The following OVCH2 variants were observed in gnomAD, a reference collection of about 807,000 sequenced individuals.
The protein encoded by OVCH2 is ovochymase-2.
OVCH2 carries 88 observed loss-of-function variants against 73.7 expected under a neutral mutation model. That is an observed-to-expected ratio of 1.19 (90% CI 1.01 to 1.43). The LOEUF is 1.43. Among genes scored for constraint, OVCH2 ranks in the 40% most tolerant of loss-of-function variants. OVCH2 has a pLI of 0.00. For synonymous variants in OVCH2, 265 were observed against 234.5 expected (o/e 1.13, Z -1.19); for missense variants, 706 against 674.5 (o/e 1.05, Z -0.52).
chr11:7,691,899 A>C lies in OVCH2; in HGVS notation c.1507+3T>G. The C allele has an allele frequency of 6.4e-7, 1 of 1,560,566 alleles. No individual in the cohort carries two copies. Among genetic ancestry groups the C allele is most frequent in the Non-Finnish European group, 8.7e-7 (1 of 1,150,838 alleles). Reference sequence around the variant, plus strand: ...AGCGAGCTGAGGCTCAGAGGACACAAACCTATTTCCTTCTTCCTTTCTACA... The same window carrying C: ...AGCGAGCTGAGGCTCAGAGGACACACACCTATTTCCTTCTTCCTTTCTACA... On this transcript the variant is annotated splice_donor_region_variant and intron_variant, in intron 13 of 15. Coordinates refer to ENST00000533663, the MANE Select transcript of OVCH2 (RefSeq NM_198185.7).
chr11:7,687,704 T>G (rs908378560), downstream of OVCH2, among the ~76,000 whole-genome samples: 2 of 152,102 alleles, frequency 1.3e-5, no homozygotes, highest in Admixed American at 6.6e-5. Flanking sequence ...TGACACCTCT[T>G]TCCCCTGTCT....
At chr11:7,688,930 C>A (rs555596004), downstream of OVCH2, among the ~76,000 whole-genome samples, 16 of 152,290 alleles carry the variant, frequency 1.1e-4, no homozygotes, top group East Asian at 1.5e-3. Context: ...GTAGTCATTG[C>A]CACTGAATTA....
At chr11:7,692,745 GATT>G (rs1331671574) in intron 12 of OVCH2, among the ~76,000 whole-genome samples, 1 of 152,152 alleles carries the variant, frequency 6.6e-6, no homozygotes, top group Non-Finnish European at 1.5e-5. Context: ...TTCTTGAGTA[GATT>G]ATTAAGCTAT....
intron 6 of OVCH2, 79 bp from the exon 7 acceptor site, chr11:7,700,564 G>T: frequency 6.9e-7 from 1 of 1,442,914 alleles, no homozygotes; most frequent in Non-Finnish European, 9.3e-7. Flanking sequence ...TCACAAGGAT[G>T]CTGGAGGAGG....
At chr11:7,684,487 T>TATATAC (rs148272247), downstream of OVCH2, among the ~76,000 whole-genome samples, 14,720 of 143,404 alleles carry the variant, frequency 0.1, 930 homozygotes, top group African/African-American at 0.16. Context: ...TATATATATA[T>TATATAC]ACACACACAT....
chr11:7,679,268 A>G, the OVCH2 span, among the ~76,000 whole-genome samples: 41 of 152,342 alleles, frequency 2.7e-4, 1 homozygote, highest in South Asian at 7.5e-3. Flanking sequence ...CCCAAGTGAT[A>G]TGGATCTTTT....
chr11:7,681,838 G>A, the OVCH2 span, among the ~76,000 whole-genome samples: 14 of 120,788 alleles, frequency 1.2e-4, no homozygotes, highest in Non-Finnish European at 1.7e-4. Flanking sequence ...AGGACGGGGA[G>A]AAGGGGGAAA....
intron 12 of OVCH2, among the ~76,000 whole-genome samples, chr11:7,693,193 A>C (rs1470074846): frequency 2.0e-5 from 3 of 152,242 alleles, no homozygotes; most frequent in Non-Finnish European, 4.4e-5. Flanking sequence ...ATGGGGATTC[A>C]ATGGGACCCA....
chr11:7,706,117 A>G (rs1472262210), intron 1 of OVCH2, 190 bp downstream of exon 1: 5 of 550,046 alleles, frequency 9.1e-6, no homozygotes, highest in South Asian at 7.7e-5. Flanking sequence ...TGCATTCTAT[A>G]AATGTTTCAC....
Position 7,693,863 on chromosome 11 carries a change from C to T in OVCH2, c.1413+1195G>A, listed in dbSNP as rs182799390. ...TCAATTTCCCATCTAATTATTCTCC[C>T]TTTTTTATGGAGGTGTGGGGTGGGG... On this transcript the variant is annotated intron_variant, in intron 12 of 15. Transcript: ENST00000533663. 2.1e-3 allele frequency among the ~76,000 whole-genome samples: 325 copies of T among 152,288 alleles called. 2 individuals are homozygous for T. Among genetic ancestry groups the T allele is most frequent in the Middle Eastern group, 0.014 (4 of 294 alleles).
At chr11:7,704,759 G>A in intron 1 of OVCH2, 85 bp from the exon 2 acceptor site, 1 of 855,286 alleles carries the variant, frequency 1.2e-6, no homozygotes, top group Non-Finnish European at 1.9e-6. Flanking sequence ...ATGAAACTGA[G>A]TCTGAGACTA....
In OVCH2 at chr11:7,695,109, G is replaced by C. The variant is rs371188461; in HGVS notation, c.1362C>G (p.Asp454Glu). ...GAAAAATCCAGTCACAGTTAGCCTT[G>C]TCACTGTAGTTTTCAGGATAGTTTA... ...QSLNYPENYSDKANCDWIFQA... is the reference protein window; with the variant it reads ...QSLNYPENYSEKANCDWIFQA... Residue 454 changes from aspartate (D) to glutamate (E), a missense_variant, in exon 12 of 16, where the codon GAC becomes GAG. Coordinates refer to ENST00000533663, the MANE Select transcript of OVCH2 (RefSeq NM_198185.7). 1.0e-5 allele frequency: 16 copies of C among 1,552,426 alleles called. No individual in the cohort carries two copies. The African/African-American group carries it at 1.8e-4, about 17-fold the overall frequency.
intron 12 of OVCH2, 52 bp downstream of exon 12, chr11:7,695,006 T>C (rs968208655): frequency 6.6e-7 from 1 of 1,525,360 alleles, no homozygotes; most frequent in African/African-American, 1.4e-5. Flanking sequence ...GTGCTTATGT[T>C]AGCTATTCTG....
At chr11:7,697,958 C>G (rs1856368138) in intron 8 of OVCH2, among the ~76,000 whole-genome samples, 1 of 152,224 alleles carries the variant, frequency 6.6e-6, no homozygotes, top group Non-Finnish European at 1.5e-5. Flanking sequence ...AGTTTGATCT[C>G]AAGTTATGTT....
intron 8 of OVCH2, among the ~76,000 whole-genome samples, chr11:7,697,138 G>A (rs1251329755): frequency 1.3e-5 from 2 of 152,074 alleles, no homozygotes; most frequent in East Asian, 1.9e-4. Context: ...CTGGGCTCAG[G>A]CAATCCTCCT....
rs1207748350 is a variant in OVCH2 at position 7,706,346 on chromosome 11, A to G, written c.49T>C (p.Phe17Leu). Reference sequence around the variant, plus strand: ...AGAGTTGCAGATTTACCTCGTTCAAAAAAGACTATTCCTAGTAGTAAAATC... The same window carrying G: ...AGAGTTGCAGATTTACCTCGTTCAAGAAAGACTATTCCTAGTAGTAAAATC... ...KLILLLGIVF[F>L]ERGKSATLSL... The change falls in exon 1 of 16, where the codon TTT (phenylalanine) becomes CTT (leucine). Residue 17 changes from phenylalanine (F) to leucine (L), a missense_variant. Coordinates refer to ENST00000533663, the MANE Select transcript of OVCH2 (RefSeq NM_198185.7). 2 of 1,590,686 alleles carry G rather than the reference A, an allele frequency of 1.3e-6. No homozygotes were observed. The highest frequency in any genetic ancestry group is 2.3e-5 in the South Asian group (2 of 87,126).
At position 7,703,870 on chromosome 11, in the gene OVCH2, A is replaced by G. The variant is rs927447907; in HGVS notation, c.199-81T>C. ...CACGGTGATGAAGCCTATTCTCAAA[A>G]CCAGACTCAGATATCACACTCGTAA... is the stretch of plus-strand genomic sequence containing the variant. On this transcript the variant is annotated intron_variant, in intron 2 of 15. Coordinates refer to ENST00000533663, the MANE Select transcript of OVCH2 (RefSeq NM_198185.7). The G allele has an allele frequency of 6.4e-6, 7 of 1,088,310 alleles. No homozygotes were observed. The African/African-American group carries it at 7.8e-5, about 12-fold the overall frequency. The allele number at this position is 1,088,310 out of a possible 1,614,324, so 67.4% of individuals were successfully genotyped here.
chr11:7,685,602 A>T (rs1856133321), downstream of OVCH2, among the ~76,000 whole-genome samples: 1 of 128,582 alleles, frequency 7.8e-6, no homozygotes, highest in Non-Finnish European at 1.6e-5. Context: ...AGATAACTCT[A>T]ATTTGATGTT....
chr11:7,686,523 C>T (rs1856143419), downstream of OVCH2, among the ~76,000 whole-genome samples: 1 of 152,178 alleles, frequency 6.6e-6, no homozygotes, highest in African/African-American at 2.4e-5. Flanking sequence ...AAACGACAGA[C>T]ATTTGTTGTT....
Sources: gnomAD v4.1 joint callset for allele counts (sites outside exome capture counted in the v4.1 genomes callset) on GRCh38, gnomAD v4.1.1 for gene constraint, MANE v1.5 for transcripts, NCBI Gene and HGNC (gene_info 2026-07-23, HGNC 2026-07-21) for gene names.